TENM3: variants seen among roughly 807,000 people sequenced by gnomAD.
TENM3 encodes teneurin-3.
TENM3 carries 63 observed loss-of-function variants against 255.1 expected under a neutral mutation model. The observed-to-expected ratio is 0.25, with a 90% CI of 0.20 to 0.30. The LOEUF (loss-of-function observed/expected upper bound fraction) is 0.30, where lower values mean the gene tolerates loss of function less well. Ranked by LOEUF, TENM3 falls within the 10% of genes least tolerant of loss-of-function variation. The pLI is 1.00. For synonymous variants in TENM3, 1,306 were observed against 1,322.3 expected (o/e 0.99, Z 0.27); for missense variants, 2,929 against 3,461.1 (o/e 0.85, Z 3.86).
intron 3 of TENM3, among the ~76,000 whole-genome samples, chr4:182,558,966 T>C (rs1367017770): frequency 6.6e-6 from 1 of 152,176 alleles, no homozygotes; most frequent in East Asian, 1.9e-4. Flanking sequence ...ATTTAAGGTA[T>C]AATCAGTGAG....
chr4:182,649,354 A>G (rs1753046322), intron 5 of TENM3, among the ~76,000 whole-genome samples: 1 of 150,574 alleles, frequency 6.6e-6, no homozygotes, highest in Non-Finnish European at 1.5e-5. Context: ...ATTGTGAAAA[A>G]CACACTGATA....
At chr4:181,598,844 AT>A in the TENM3 span, among the ~76,000 whole-genome samples, 202 of 152,326 alleles carry the variant, frequency 1.3e-3, no homozygotes, top group Non-Finnish European at 2.3e-3. Flanking sequence ...TATTATGAAA[AT>A]AAGAGACTGT....
At chr4:182,214,012 C>T (rs944961540) in intron 1 of TENM3, among the ~76,000 whole-genome samples, 12 of 152,134 alleles carry the variant, frequency 7.9e-5, no homozygotes, top group Non-Finnish European at 1.3e-4. Context: ...TTGTGTTAGC[C>T]AGGATGGTCT....
At chr4:182,030,888 C>T in the TENM3 span, among the ~76,000 whole-genome samples, 194 of 152,238 alleles carry the variant, frequency 1.3e-3, no homozygotes, top group Middle Eastern at 6.8e-3. Flanking sequence ...CCTTCGCCCA[C>T]GTTTTAATGG....
At chr4:181,475,714 A>G in the TENM3 span, among the ~76,000 whole-genome samples, 1 of 152,236 alleles carries the variant, frequency 6.6e-6, no homozygotes, top group African/African-American at 2.4e-5. Context: ...GTAATTGGGG[A>G]GAAATATTTG....
the TENM3 span, among the ~76,000 whole-genome samples, chr4:181,796,008 G>T: frequency 1.3e-5 from 2 of 152,190 alleles, no homozygotes; most frequent in African/African-American, 4.8e-5. Flanking sequence ...GAAGGAAAGG[G>T]GATGGAATAT....
Position 182,626,931 on chromosome 4 carries a change from G to GA in TENM3, c.750-1712dup, listed in dbSNP as rs997442173. Among the ~76,000 whole-genome samples, 90 of 151,658 alleles carry GA rather than the reference G, an allele frequency of 5.9e-4. 1 individual carries two copies. The highest frequency in any genetic ancestry group is 1.9e-3 in the African/African-American group (77 of 41,406). On this transcript the variant is annotated intron_variant, in intron 4 of 27. Coordinates refer to ENST00000511685, the MANE Select transcript of TENM3 (RefSeq NM_001080477.4). ...TAGTGCCATTTTTTTTACAGGTCAAGAAAAAAAACTGAGGTTCCCTAGGAC... is the reference window on the plus strand; with the variant it reads ...TAGTGCCATTTTTTTTACAGGTCAAGAAAAAAAAACTGAGGTTCCCTAGGAC...
chr4:181,955,537 G>A, the TENM3 span, among the ~76,000 whole-genome samples: 342 of 152,266 alleles, frequency 2.2e-3, no homozygotes, highest in African/African-American at 7.7e-3. Context: ...ATTACTAGAG[G>A]TGCAGCAAAT....
the TENM3 span, among the ~76,000 whole-genome samples, chr4:181,521,457 C>A: frequency 4.6e-5 from 7 of 152,218 alleles, no homozygotes; most frequent in African/African-American, 1.7e-4. Context: ...AAATGTGAAG[C>A]TATTTTGATG....
At chr4:181,467,576 T>G in the TENM3 span, among the ~76,000 whole-genome samples, 1 of 151,842 alleles carries the variant, frequency 6.6e-6, no homozygotes, top group South Asian at 2.1e-4. Context: ...TTAAATAGAG[T>G]AAAAAATATT....
At chr4:181,932,337 A>G in the TENM3 span, among the ~76,000 whole-genome samples, 1 of 152,054 alleles carries the variant, frequency 6.6e-6, no homozygotes, top group Non-Finnish European at 1.5e-5. Context: ...AAACAACCCC[A>G]TCAAAAAGTG....
intron 3 of TENM3, among the ~76,000 whole-genome samples, chr4:182,442,288 G>T (rs1326350215): frequency 6.6e-6 from 1 of 152,104 alleles, no homozygotes; most frequent in Non-Finnish European, 1.5e-5. Context: ...TGTCAATAAA[G>T]ATATGTTAAA....
intron 3 of TENM3, among the ~76,000 whole-genome samples, chr4:182,388,700 A>G (rs1036863300): frequency 6.6e-6 from 1 of 152,176 alleles, no homozygotes; most frequent in Non-Finnish European, 1.5e-5. Context: ...GAAATTTGCT[A>G]TTGCTTTTGT....
chr4:181,554,130 G>A, the TENM3 span, among the ~76,000 whole-genome samples: 122 of 152,198 alleles, frequency 8.0e-4, no homozygotes, highest in African/African-American at 2.8e-3. Context: ...GAAAATCAGA[G>A]GCTGAAGCCA....
At position 182,753,615 on chromosome 4, in the gene TENM3, A is replaced by T; in HGVS notation, c.4017+11A>T. 6.2e-7 allele frequency: 1 copy of T among 1,611,382 alleles called. No individual in the cohort carries two copies. ...ATGCACATCAGCCAGGTAGTTAAAT[A>T]CTAAGCGGACTTGTTTGTTTTTCCT... is the stretch of plus-strand genomic sequence containing the variant. On this transcript the variant is annotated intron_variant, in intron 21 of 27. Transcript: ENST00000511685.
the TENM3 span, among the ~76,000 whole-genome samples, chr4:181,747,369 G>T: frequency 6.6e-6 from 1 of 151,918 alleles, no homozygotes; most frequent in African/African-American, 2.4e-5. Flanking sequence ...TTTATTTTGA[G>T]ATCATTGTAA....
At chr4:182,298,994 A>AAAAAAAAAAAAAAAAAAC (rs1761676902) in intron 1 of TENM3, among the ~76,000 whole-genome samples, 1 of 103,180 alleles carries the variant, frequency 9.7e-6, no homozygotes, top group Non-Finnish European at 1.9e-5. Flanking sequence ...CAAAAAAAAA[A>AAAAAAAAAAAAAAAAAAC]AAAAAAAAAA....
the TENM3 span, among the ~76,000 whole-genome samples, chr4:181,749,371 T>A: frequency 6.6e-6 from 1 of 152,156 alleles, no homozygotes; most frequent in Non-Finnish European, 1.5e-5. Context: ...TGATTTGTAA[T>A]CCTAATGCTT....
chr4:182,598,733 G>C (rs768095150), intron 3 of TENM3, among the ~76,000 whole-genome samples: 2 of 152,164 alleles, frequency 1.3e-5, no homozygotes, highest in Non-Finnish European at 2.9e-5. Flanking sequence ...CTAAGTGTGT[G>C]ATGAATAAAT....
Sources: gnomAD v4.1 joint callset for allele counts (sites outside exome capture counted in the v4.1 genomes callset) on GRCh38, gnomAD v4.1.1 for gene constraint, MANE v1.5 for transcripts, NCBI Gene and HGNC (gene_info 2026-07-23, HGNC 2026-07-21) for gene names.